Variants in TRAM1 observed in about 807,000 individuals in gnomAD.
TRAM1 encodes translocating chain-associated membrane protein 1.
Under a neutral mutation model 48.7 loss-of-function variants are expected in TRAM1, and 17 were observed. The observed-to-expected ratio is 0.35, with a 90% confidence interval of 0.24 to 0.52. TRAM1 has a LOEUF of 0.52. Among genes scored for constraint, TRAM1 ranks in the 20% least tolerant of loss-of-function variants. TRAM1 has a pLI of 0.94. For missense variants in TRAM1, 351 were observed against 441.5 expected (o/e 0.79, Z 1.84); for synonymous variants, 182 against 154.0 (o/e 1.18, Z -1.34).
At chr8:70,585,928 T>C (rs572520287) in intron 8 of TRAM1, among the ~76,000 whole-genome samples, 10,726 of 149,402 alleles carry the variant, frequency 0.072, 434 homozygotes, top group Non-Finnish European at 0.085. Context: ...ACTGGGTGTA[T>C]ACCCAAAGGA....
At chr8:70,594,476 A>AT in intron 6 of TRAM1, 30 bp downstream of exon 6, 2 of 1,556,740 alleles carry the variant, frequency 1.3e-6, no homozygotes, top group Non-Finnish European at 1.7e-6. Flanking sequence ...ATGACAAGAC[A>AT]TTTTTTAACA....
At chr8:70,593,596 TAA>T (rs35219621) in intron 6 of TRAM1, among the ~76,000 whole-genome samples, 85 of 133,666 alleles carry the variant, frequency 6.4e-4, no homozygotes, top group African/African-American at 1.5e-3. Context: ...ATATGAGAAT[TAA>T]AAAAAAAAAA....
chr8:70,589,913 T>A (rs1034390002), intron 6 of TRAM1, among the ~76,000 whole-genome samples: 5 of 152,148 alleles, frequency 3.3e-5, no homozygotes, highest in Admixed American at 6.5e-5. Flanking sequence ...AATTAAAATG[T>A]CAAAAGTATG....
chr8:70,605,257 T>C (rs1817695014), intron 1 of TRAM1, among the ~76,000 whole-genome samples: 1 of 152,222 alleles, frequency 6.6e-6, no homozygotes, highest in African/African-American at 2.4e-5. Context: ...ATAATACAAA[T>C]TGGTTAATTT....
chr8:70,592,724 G>A (rs944382842), intron 6 of TRAM1, among the ~76,000 whole-genome samples: 1 of 152,146 alleles, frequency 6.6e-6, no homozygotes, highest in African/African-American at 2.4e-5. Flanking sequence ...ACCTTAAGAA[G>A]GCTTTAAATA....
intron 10 of TRAM1, among the ~76,000 whole-genome samples, chr8:70,579,541 G>A (rs939931745): frequency 1.6e-4 from 25 of 152,180 alleles, no homozygotes; most frequent in Admixed American, 1.4e-3. Context: ...CAACTTGGAT[G>A]CATGTCAGAA....
chr8:70,581,967 G>A (rs1333118487), intron 10 of TRAM1, among the ~76,000 whole-genome samples: 10 of 152,336 alleles, frequency 6.6e-5, no homozygotes, highest in Non-Finnish European at 1.5e-4. Flanking sequence ...AGGGGGCAAA[G>A]TGAAGTGATG....
Position 70,579,205 on chromosome 8 carries a change from C to T in TRAM1, c.1051+3959G>A, listed in dbSNP as rs142259559. Among the ~76,000 whole-genome samples the T allele has an allele frequency of 3.6e-4, 55 of 152,328 alleles. No homozygotes were observed. The East Asian group carries it at 7.9e-3, about 22-fold the overall frequency. ...TCTAGATGGTAGAGCCTACCACACACCCAGGCTATATGGTATAGCCTATTG... is the reference window on the plus strand; with the variant it reads ...TCTAGATGGTAGAGCCTACCACACATCCAGGCTATATGGTATAGCCTATTG... On this transcript the variant is annotated intron_variant, in intron 10 of 10. Coordinates refer to ENST00000262213, the MANE Select transcript of TRAM1 (RefSeq NM_014294.6).
At position 70,608,384 on chromosome 8, in the gene TRAM1, A is replaced by AC. The variant is rs397774839; in HGVS notation, c.-186dup. 2 of 594,914 alleles carry AC rather than the reference A, an allele frequency of 3.4e-6. No homozygotes were observed. The highest frequency in any genetic ancestry group is 5.1e-6 in the Non-Finnish European group (2 of 388,430). The allele number at this position is 594,914 out of a possible 1,614,324, so 36.9% of individuals were successfully genotyped here. A position where few individuals can be genotyped will look rare whatever the true frequency, so the allele number is the denominator to read the frequency against. Reference sequence around the variant, plus strand: ...CGGGCCGCCCGGGGGAAAAAAAAAAACACAACAGCTAGCCCGCAGCGGGGG... The same window carrying AC: ...CGGGCCGCCCGGGGGAAAAAAAAAAACCACAACAGCTAGCCCGCAGCGGGGG... On this transcript the variant is annotated 5_prime_UTR_variant, in exon 1 of 11. Transcript: ENST00000262213.
chr8:70,607,513 G>T, intron 1 of TRAM1: 1 of 984,606 alleles, frequency 1.0e-6, no homozygotes. Flanking sequence ...CCTGACTCCG[G>T]TTTCTCGCTC....
Position 70,608,074 on chromosome 8 carries a change from C to G in TRAM1, c.123+3G>C. 1.3e-6 allele frequency: 2 copies of G among 1,592,262 alleles called. No homozygotes were observed. The highest frequency in any genetic ancestry group is 1.7e-6 in the Non-Finnish European group (2 of 1,170,788). ...AGGCGGTTGGGACTCGGGGCGGGCT[C>G]ACCTCAAACATGAGCCCCAGCAGGA... is the stretch of plus-strand genomic sequence containing the variant. On this transcript the variant is annotated splice_donor_region_variant and intron_variant, in intron 1 of 10. Coordinates refer to ENST00000262213, the MANE Select transcript of TRAM1 (RefSeq NM_014294.6).
chr8:70,575,566 G>A (rs1324941562), intron 10 of TRAM1, among the ~76,000 whole-genome samples: 1 of 152,006 alleles, frequency 6.6e-6, no homozygotes, highest in African/African-American at 2.4e-5. Context: ...GGGACTACAG[G>A]CATGTGCCAC....
intron 6 of TRAM1, among the ~76,000 whole-genome samples, chr8:70,587,961 A>G (rs1326992823): frequency 2.0e-5 from 3 of 152,202 alleles, no homozygotes; most frequent in Non-Finnish European, 2.9e-5. Context: ...TCATGCCTAT[A>G]ATCCCAGCAC....
chr8:70,584,836 T>C (rs1178850300), intron 8 of TRAM1, among the ~76,000 whole-genome samples: 2 of 152,022 alleles, frequency 1.3e-5, no homozygotes, highest in Admixed American at 6.5e-5. Flanking sequence ...ATCAATATCA[T>C]GAAAATGGTC....
intron 6 of TRAM1, among the ~76,000 whole-genome samples, chr8:70,590,141 TAA>T (rs34326193): frequency 0.015 from 2,080 of 139,834 alleles, 47 homozygotes; most frequent in African/African-American, 0.048. Context: ...TAAGGCAATG[TAA>T]AAAAAAAAAA....
At chr8:70,587,982 C>T (rs557199178) in intron 6 of TRAM1, among the ~76,000 whole-genome samples, 15 of 151,958 alleles carry the variant, frequency 9.9e-5, no homozygotes, top group South Asian at 2.1e-4. Context: ...TCTGGGAGGC[C>T]GAGGTGGGAG....
intron 6 of TRAM1, chr8:70,587,672 G>A (rs1247219644): frequency 6.5e-6 from 1 of 152,870 alleles, no homozygotes; most frequent in Non-Finnish European, 1.5e-5. Context: ...GTTCATAGTA[G>A]TAGAGACACT....
chr8:70,599,317 T>C (rs1172073308), intron 2 of TRAM1, among the ~76,000 whole-genome samples: 5 of 152,122 alleles, frequency 3.3e-5, no homozygotes, highest in Non-Finnish European at 7.4e-5. Context: ...CCCAACTAAA[T>C]GTGGTATACT....
At chr8:70,581,097 T>C (rs1817064358) in intron 10 of TRAM1, among the ~76,000 whole-genome samples, 1 of 152,188 alleles carries the variant, frequency 6.6e-6, no homozygotes, top group Admixed American at 6.5e-5. Context: ...ATAGAATTCA[T>C]ATTAAAATGG....
Sources: gnomAD v4.1 joint callset for allele counts (sites outside exome capture counted in the v4.1 genomes callset) on GRCh38, gnomAD v4.1.1 for gene constraint, MANE v1.5 for transcripts, NCBI Gene and HGNC (gene_info 2026-07-23, HGNC 2026-07-21) for gene names.